Variants in MDGA2 observed in about 807,000 individuals in gnomAD.
The protein encoded by MDGA2 is MAM domain containing glycosylphosphatidylinositol anchor 2, also known as MAM domain-containing glycosylphosphatidylinositol anchor protein 2.
Under a neutral mutation model 117.8 loss-of-function variants are expected in MDGA2, and 40 were observed. That is an observed-to-expected ratio of 0.34 (90% CI 0.26 to 0.44). The LOEUF is 0.44. MDGA2 is among the 20% of genes least tolerant of loss of function. MDGA2 has a pLI of 1.00. For synonymous variants in MDGA2, 452 were observed against 439.0 expected (o/e 1.03, Z -0.37); for missense variants, 1,123 against 1,250.6 (o/e 0.90, Z 1.54).
chr14:47,617,441 T>A lies in MDGA2; in HGVS notation c.280+57076A>T, dbSNP rs554482313. Among the ~76,000 whole-genome samples, 65 of 152,080 alleles carry A rather than the reference T, an allele frequency of 4.3e-4. 1 individual carries two copies. The highest frequency in any genetic ancestry group is 3.2e-3 in the Middle Eastern group (1 of 316). On this transcript the variant is annotated intron_variant, in intron 1 of 16. Coordinates refer to ENST00000399232, the MANE Select transcript of MDGA2 (RefSeq NM_001113498.3). Reference sequence around the variant, plus strand: ...CTGCTCTTGAACTCCTGACCCCAGGTGATCCACCCACCTCGGCCTCCCAAA... The same window carrying A: ...CTGCTCTTGAACTCCTGACCCCAGGAGATCCACCCACCTCGGCCTCCCAAA...
intron 9 of MDGA2, among the ~76,000 whole-genome samples, chr14:46,921,562 T>A (rs1161170008): frequency 6.7e-6 from 1 of 148,428 alleles, no homozygotes; most frequent in Non-Finnish European, 1.5e-5. Context: ...GAGGTTGCAG[T>A]GAGCCAAGAT....
chr14:47,167,694 G>C (rs1183837686), intron 3 of MDGA2, among the ~76,000 whole-genome samples: 1 of 151,966 alleles, frequency 6.6e-6, no homozygotes, highest in Non-Finnish European at 1.5e-5. Flanking sequence ...ACATCTCAGG[G>C]AGTTATCGGA....
chr14:47,261,810 G>A (rs977636632), intron 2 of MDGA2, among the ~76,000 whole-genome samples: 3 of 152,116 alleles, frequency 2.0e-5, no homozygotes, highest in African/African-American at 7.2e-5. Context: ...GTGTGATGGA[G>A]ATAAATGAGT....
intron 1 of MDGA2, among the ~76,000 whole-genome samples, chr14:47,353,005 A>G (rs534499196): frequency 1.3e-5 from 2 of 152,314 alleles, no homozygotes; most frequent in African/African-American, 4.8e-5. Context: ...ACCCTGAAAG[A>G]GAGGATTCAG....
rs998516267 is a variant in MDGA2, at chr14:46,903,009, C to T, written c.2238+17003G>A. ...ACACTGCAAGAATGGGTTGGAGCCA[C>T]GGGAAGTTTGAGCCATTTGCAGCAG... On this transcript the variant is annotated intron_variant, in intron 10 of 16. Transcript: ENST00000399232. Among the ~76,000 whole-genome samples the T allele has an allele frequency of 3.3e-5, 5 of 152,328 alleles. No homozygotes were observed. The East Asian group carries it at 7.7e-4, about 24-fold the overall frequency.
chr14:46,868,125 T>C (rs1403165200), intron 14 of MDGA2, among the ~76,000 whole-genome samples: 2 of 151,974 alleles, frequency 1.3e-5, no homozygotes, highest in African/African-American at 2.4e-5. Context: ...GTTACTGCTC[T>C]CAAGGAGTTT....
At chr14:46,916,455 C>G (rs1019589033) in intron 10 of MDGA2, among the ~76,000 whole-genome samples, 3 of 151,530 alleles carry the variant, frequency 2.0e-5, no homozygotes, top group African/African-American at 7.3e-5. Context: ...CCATTAATGC[C>G]TTTGTTTCCT....
intron 1 of MDGA2, among the ~76,000 whole-genome samples, chr14:47,630,628 T>C (rs1897237932): frequency 1.3e-5 from 2 of 152,186 alleles, no homozygotes; most frequent in Non-Finnish European, 2.9e-5. Flanking sequence ...ATCATCAAAA[T>C]AAGCCATATG....
chr14:47,365,147 A>G (rs916205063), intron 1 of MDGA2, among the ~76,000 whole-genome samples: 1 of 152,200 alleles, frequency 6.6e-6, no homozygotes, highest in Non-Finnish European at 1.5e-5. Flanking sequence ...ATCAAATAAT[A>G]CTTTCATCTC....
intron 1 of MDGA2, among the ~76,000 whole-genome samples, chr14:47,326,483 A>G (rs1384326415): frequency 6.6e-6 from 1 of 152,032 alleles, no homozygotes; most frequent in East Asian, 1.9e-4. Context: ...TAGCTTTCCA[A>G]TTATTCCTCT....
chr14:47,244,019 T>A (rs563113942), intron 2 of MDGA2, among the ~76,000 whole-genome samples: 1 of 151,968 alleles, frequency 6.6e-6, no homozygotes, highest in South Asian at 2.1e-4. Context: ...CTACCCCTGA[T>A]GATTTTCCCT....
intron 8 of MDGA2, among the ~76,000 whole-genome samples, chr14:47,023,309 T>G (rs1380303218): frequency 8.6e-5 from 13 of 151,770 alleles, no homozygotes; most frequent in Non-Finnish European, 1.5e-5. Flanking sequence ...AGTAGGAATC[T>G]CTTGCAGGAG....
intron 1 of MDGA2, among the ~76,000 whole-genome samples, chr14:47,525,487 C>G (rs528916353): frequency 1.3e-3 from 192 of 152,232 alleles, no homozygotes; most frequent in African/African-American, 4.3e-3. Context: ...GAGTTTGAGA[C>G]TAGCCTGGTC....
chr14:47,198,519 C>T (rs561318389), intron 3 of MDGA2, among the ~76,000 whole-genome samples: 1 of 151,918 alleles, frequency 6.6e-6, no homozygotes. Context: ...TTGCAGTGAG[C>T]GGGGATTGTG....
chr14:47,034,894 A>G, intron 8 of MDGA2, 117 bp downstream of exon 8: 1 of 857,494 alleles, frequency 1.2e-6, no homozygotes, highest in Non-Finnish European at 1.8e-6. Flanking sequence ...CAATGTAGAA[A>G]TGTAGAAATA....
intron 2 of MDGA2, among the ~76,000 whole-genome samples, chr14:47,218,864 A>G (rs756998395): frequency 1.1e-4 from 16 of 152,110 alleles, no homozygotes; most frequent in Admixed American, 2.6e-4. Flanking sequence ...TAAACTGCCA[A>G]AACATTTTGA....
chr14:47,575,097 C>A (rs1896092271), intron 1 of MDGA2, among the ~76,000 whole-genome samples: 1 of 152,174 alleles, frequency 6.6e-6, no homozygotes, highest in African/African-American at 2.4e-5. Flanking sequence ...TGAGTTTACT[C>A]TTCCAGATTA....
intron 3 of MDGA2, among the ~76,000 whole-genome samples, chr14:47,191,100 T>C (rs1326890587): frequency 2.0e-5 from 3 of 152,106 alleles, no homozygotes; most frequent in Non-Finnish European, 4.4e-5. Flanking sequence ...AAAGTACTTG[T>C]AGCATCTGAA....
rs192323188 is a variant in MDGA2 at position 47,093,457 on chromosome 14, C to G, written c.1195+3397G>C. On this transcript the variant is annotated intron_variant, in intron 6 of 16. Transcript: ENST00000399232. ...AGACCTTTACATGGAAGTGACATAT[C>G]TAACAGGAGTTTGGAAAGCATTGAG... Among the ~76,000 whole-genome samples, 5 of 152,154 alleles carry G rather than the reference C, an allele frequency of 3.3e-5. No homozygotes were observed. The East Asian group carries it at 5.8e-4, about 18-fold the overall frequency.
Sources: allele counts gnomAD v4.1 joint callset (sites outside exome capture counted in the v4.1 genomes callset), GRCh38; gene constraint gnomAD v4.1.1; transcripts MANE v1.5; gene names NCBI Gene and HGNC (gene_info 2026-07-23, HGNC 2026-07-21).